Variants in CHRNA7 observed in about 807,000 individuals in gnomAD.
CHRNA7 encodes neuronal acetylcholine receptor subunit alpha-7.
CHRNA7 carries 17 observed loss-of-function variants against 48.0 expected under a neutral mutation model. That is an observed-to-expected ratio of 0.35 (90% CI 0.24 to 0.53). The LOEUF (loss-of-function observed/expected upper bound fraction) is 0.53, where lower values mean the gene tolerates loss of function less well. Among genes scored for constraint, CHRNA7 ranks in the 20% least tolerant of loss-of-function variants. CHRNA7 has a pLI of 0.92. For missense variants in CHRNA7, 155 were observed against 577.7 expected (o/e 0.27, Z 7.50); for synonymous variants, 75 against 242.3 (o/e 0.31, Z 6.41).
At chr15:32,088,626 G>C (rs901455475) in intron 2 of CHRNA7, among the ~76,000 whole-genome samples, 2 of 152,166 alleles carry the variant, frequency 1.3e-5, no homozygotes, top group Admixed American at 6.5e-5. Context: ...TAGCCTATCC[G>C]ATAGGTATAT....
At chr15:32,049,208 T>A (rs1052363140) in intron 2 of CHRNA7, among the ~76,000 whole-genome samples, 1 of 151,948 alleles carries the variant, frequency 6.6e-6, no homozygotes, top group Non-Finnish European at 1.5e-5. Context: ...CCTTGTTAAC[T>A]TTCTGTCTCG....
At chr15:32,051,345 A>G (rs4779964) in intron 2 of CHRNA7, among the ~76,000 whole-genome samples, 134,002 of 152,098 alleles carry the variant, frequency 0.88, 59,696 homozygotes, top group South Asian at 0.95. Flanking sequence ...AAGCGAGCCT[A>G]GGCAATGGCG....
intron 2 of CHRNA7, among the ~76,000 whole-genome samples, chr15:32,097,800 C>T (rs547754330): frequency 5.3e-5 from 8 of 152,290 alleles, no homozygotes; most frequent in East Asian, 1.9e-4. Context: ...TTGTTTGACT[C>T]GGGTGGCCTC....
intron 2 of CHRNA7, among the ~76,000 whole-genome samples, chr15:32,074,055 C>T (rs1451367416): frequency 6.7e-6 from 1 of 150,190 alleles, no homozygotes; most frequent in East Asian, 2.0e-4. Flanking sequence ...TTCCTTCTTT[C>T]CTTCCTTCTT....
intron 4 of CHRNA7, among the ~76,000 whole-genome samples, chr15:32,120,117 T>C (rs1321856088): frequency 6.6e-6 from 1 of 152,222 alleles, no homozygotes; most frequent in East Asian, 1.9e-4. Flanking sequence ...GAAGTCTGTT[T>C]GAGTGTCCAC....
intron 4 of CHRNA7, among the ~76,000 whole-genome samples, chr15:32,148,305 C>A (rs971270342): frequency 6.6e-6 from 1 of 152,118 alleles, no homozygotes; most frequent in Non-Finnish European, 1.5e-5. Flanking sequence ...TCTTTGATGG[C>A]TGGACCCCTG....
At chr15:32,126,871 C>T (rs1477623247) in intron 4 of CHRNA7, among the ~76,000 whole-genome samples, 1 of 152,134 alleles carries the variant, frequency 6.6e-6, no homozygotes, top group African/African-American at 2.4e-5. Flanking sequence ...AAGAAATTAA[C>T]ATTGGTATAT....
rs536877676 is a variant in CHRNA7 at position 32,036,211 on chromosome 15, C to T, written c.195+5174C>T. 6.6e-5 allele frequency among the ~76,000 whole-genome samples: 10 copies of T among 152,288 alleles called. No homozygotes were observed. In the South Asian group the frequency reaches 2.1e-3, roughly 32 times the overall value. The stretch of plus-strand genomic sequence containing the variant: ...GTAGCCTTTTCAGATGGACTTATTT[C>T]ACTTAGTAATATGCATTTATGCTCT... On this transcript the variant is annotated intron_variant, in intron 2 of 9. Coordinates refer to ENST00000306901, the MANE Select transcript of CHRNA7 (RefSeq NM_000746.6).
intron 4 of CHRNA7, among the ~76,000 whole-genome samples, chr15:32,123,964 C>CAAAAAAAAAAAAAAAAAAAAAA (rs57791060): frequency 2.1e-5 from 1 of 47,166 alleles, no homozygotes; most frequent in Non-Finnish European, 4.9e-5. Context: ...AAAATCTGGC[C>CAAAAAAAAAAAAAAAAAAAAAA]AAAAAAAAAA....
chr15:32,123,744 C>A (rs144779645), intron 4 of CHRNA7, among the ~76,000 whole-genome samples: 4 of 152,172 alleles, frequency 2.6e-5, no homozygotes, highest in Non-Finnish European at 5.9e-5. Context: ...CATAGAAGCC[C>A]TTCCTCTCCC....
chr15:32,055,948 C>T (rs2049780430), intron 2 of CHRNA7, among the ~76,000 whole-genome samples: 1 of 151,828 alleles, frequency 6.6e-6, no homozygotes, highest in South Asian at 2.1e-4. Context: ...CGCTGCACTC[C>T]AGCCTGGGTG....
At chr15:32,152,936 A>G (rs2051661805) in intron 4 of CHRNA7, among the ~76,000 whole-genome samples, 1 of 152,092 alleles carries the variant, frequency 6.6e-6, no homozygotes, top group Non-Finnish European at 1.5e-5. Flanking sequence ...CCTTTATCCC[A>G]GTTGTTAACT....
chr15:32,097,380 G>C (rs1454523147), intron 2 of CHRNA7, among the ~76,000 whole-genome samples: 1 of 152,088 alleles, frequency 6.6e-6, no homozygotes, highest in South Asian at 2.1e-4. Context: ...GTATTAGGAG[G>C]TGATTAGTCC....
Position 32,030,996 on chromosome 15 carries a change from A to G in CHRNA7, c.154A>G (p.Thr52Ala). ...RPVANDSQPL[T>A]VYFSLSLLQI... ...CGTGGCCAATGACTCGCAACCACTCACCGTCTACTTCTCCCTGAGCCTCCT... is the reference window on the plus strand; with the variant it reads ...CGTGGCCAATGACTCGCAACCACTCGCCGTCTACTTCTCCCTGAGCCTCCT... Residue 52 changes from threonine to alanine, a missense_variant, in exon 2 of 10, where the codon ACC (threonine) becomes GCC (alanine). Thr to Ala is a moderately conservative substitution (Grantham distance 58, BLOSUM62 0). Coordinates refer to ENST00000306901, the MANE Select transcript of CHRNA7 (RefSeq NM_000746.6). 1 of 1,614,156 alleles carries G rather than the reference A, an allele frequency of 6.2e-7. No individual in the cohort carries two copies. The highest frequency in any genetic ancestry group is 8.5e-7 in the Non-Finnish European group (1 of 1,180,004).
At chr15:32,141,596 A>G (rs77015915) in intron 4 of CHRNA7, among the ~76,000 whole-genome samples, 1 of 151,398 alleles carries the variant, frequency 6.6e-6, no homozygotes, top group Non-Finnish European at 1.5e-5. Flanking sequence ...CTTTTATTTC[A>G]TTGAGCAGTG....
intron 2 of CHRNA7, among the ~76,000 whole-genome samples, chr15:32,052,124 C>T (rs762696235): frequency 7.9e-5 from 12 of 152,040 alleles, no homozygotes; most frequent in Non-Finnish European, 1.3e-4. Context: ...TCTCTCAGGG[C>T]TCCCCTCTCT....
At chr15:32,061,789 C>A (rs1396265093) in intron 2 of CHRNA7, among the ~76,000 whole-genome samples, 1 of 152,142 alleles carries the variant, frequency 6.6e-6, no homozygotes, top group Non-Finnish European at 1.5e-5. Flanking sequence ...GCCTGGGTGA[C>A]AGAGTGAGAC....
chr15:32,114,068 A>ATG (rs56339030), intron 4 of CHRNA7, among the ~76,000 whole-genome samples: 10 of 134,942 alleles, frequency 7.4e-5, no homozygotes, highest in Non-Finnish European at 1.3e-4. Flanking sequence ...ATACATATAT[A>ATG]TATATATACA....
At chr15:32,032,147 A>C (rs1469051837) in intron 2 of CHRNA7, among the ~76,000 whole-genome samples, 1 of 152,208 alleles carries the variant, frequency 6.6e-6, no homozygotes, top group Non-Finnish European at 1.5e-5. Flanking sequence ...CTCCTTTCCA[A>C]CGCTACACTC....
Sources: gnomAD v4.1 joint callset for allele counts (sites outside exome capture counted in the v4.1 genomes callset) on GRCh38, gnomAD v4.1.1 for gene constraint, MANE v1.5 for transcripts, NCBI Gene and HGNC (gene_info 2026-07-23, HGNC 2026-07-21) for gene names.